ADAM12: variants seen among roughly 807,000 people sequenced by gnomAD.
The protein encoded by ADAM12 is ADAM metallopeptidase domain 12.
ADAM12 carries 70 observed loss-of-function variants against 106.4 expected under a neutral mutation model. The observed-to-expected ratio is 0.66, with a 90% confidence interval of 0.54 to 0.80. The LOEUF (loss-of-function observed/expected upper bound fraction) is 0.80, where lower values mean the gene tolerates loss of function less well. Among genes scored for constraint, ADAM12 ranks in the 30% least tolerant of loss-of-function variants. The pLI is 0.00. For missense variants in ADAM12, 1,010 were observed against 1,171.9 expected, an observed-to-expected ratio of 0.86 and a Z score of 2.02; for synonymous variants, 420 against 433.5, an observed-to-expected ratio of 0.97 and a Z score of 0.39.
chr10:126,285,904 G>C (rs1465001722), intron 2 of ADAM12, among the ~76,000 whole-genome samples: 1 of 151,896 alleles, frequency 6.6e-6, no homozygotes, highest in Non-Finnish European at 1.5e-5. Context: ...GGGCATCCCA[G>C]TGAACTGGCT....
chr10:126,244,314 C>G (rs1044022397), intron 3 of ADAM12, among the ~76,000 whole-genome samples: 2 of 152,134 alleles, frequency 1.3e-5, no homozygotes, highest in African/African-American at 4.8e-5. Context: ...TGCTTGGGTC[C>G]GTGACCACAC....
intron 11 of ADAM12, among the ~76,000 whole-genome samples, chr10:126,093,094 C>A (rs56710697): frequency 0.012 from 1,898 of 152,244 alleles, 43 homozygotes; most frequent in African/African-American, 0.042. Context: ...TTGGGAAACC[C>A]AGAGAGCAGG....
chr10:126,312,271 G>A (rs77298143), intron 2 of ADAM12, among the ~76,000 whole-genome samples: 20 of 152,236 alleles, frequency 1.3e-4, no homozygotes, highest in African/African-American at 2.9e-4. Flanking sequence ...GAGCACCAGC[G>A]GGGGACACAA....
intron 3 of ADAM12, 151 bp from the exon 4 acceptor site, chr10:126,155,456 A>G (rs1430445705): frequency 4.6e-6 from 3 of 654,218 alleles, no homozygotes; most frequent in Admixed American, 3.0e-5. Flanking sequence ...GGGCCTTCCC[A>G]GTTTAGGTTC....
At chr10:126,194,745 G>A (rs74158382) in intron 3 of ADAM12, among the ~76,000 whole-genome samples, 3,031 of 152,298 alleles carry the variant, frequency 0.02, 86 homozygotes, top group East Asian at 0.098. Flanking sequence ...AGGGTAGAAA[G>A]TTGCAACCCT....
At chr10:126,241,482 C>A (rs4962530) in intron 3 of ADAM12, among the ~76,000 whole-genome samples, 54,780 of 152,030 alleles carry the variant, frequency 0.36, 10,961 homozygotes, top group African/African-American at 0.54. Flanking sequence ...CTCAGAAATC[C>A]TGACTTGCGC....
chr10:126,018,835 G>A (rs1953706863), intron 22 of ADAM12, among the ~76,000 whole-genome samples: 1 of 152,164 alleles, frequency 6.6e-6, no homozygotes, highest in Non-Finnish European at 1.5e-5. Flanking sequence ...CCAGTGTCCT[G>A]CTGCCAGGCA....
At chr10:126,091,841 A>G (rs914361445) in intron 11 of ADAM12, among the ~76,000 whole-genome samples, 9 of 152,156 alleles carry the variant, frequency 5.9e-5, no homozygotes, top group South Asian at 2.1e-4. Flanking sequence ...TCATCTGTGC[A>G]TTCCTCCCCA....
rs1247375348 is a variant in ADAM12, at chr10:126,066,832, G to T, written c.1324-26C>A. ...CTGGAAAGGGGAATGGCATTTGTTT[G>T]ACAGGGTCTTATGGAGTATGCACTC... On this transcript the variant is annotated intron_variant, in intron 12 of 22. Transcript: ENST00000448723. This position sits in a 1 kb window ranked among gnomAD's most constrained non-coding sequence, Gnocchi z 5.1. 1.2e-6 allele frequency: 2 copies of T among 1,602,002 alleles called. No individual in the cohort carries two copies. Among genetic ancestry groups the T allele is most frequent in the Non-Finnish European group, 8.6e-7 (1 of 1,169,274 alleles).
At chr10:126,344,398 C>A (rs1159873352) in intron 1 of ADAM12, among the ~76,000 whole-genome samples, 9 of 152,124 alleles carry the variant, frequency 5.9e-5, no homozygotes, top group Admixed American at 3.9e-4. Flanking sequence ...GTTTTGGTAC[C>A]AGTACCATGC....
At chr10:126,222,003 C>G (rs1183058897) in intron 3 of ADAM12, among the ~76,000 whole-genome samples, 1 of 152,180 alleles carries the variant, frequency 6.6e-6, no homozygotes, top group Non-Finnish European at 1.5e-5. Flanking sequence ...GGCTGTCCAT[C>G]AGAAGTCCCC....
At chr10:126,198,022 G>A (rs1029368440) in intron 3 of ADAM12, among the ~76,000 whole-genome samples, 1 of 152,216 alleles carries the variant, frequency 6.6e-6, no homozygotes, top group Non-Finnish European at 1.5e-5. Context: ...AAAGACATGT[G>A]TTCCAAATTA....
chr10:126,082,211 T>A (rs550188028), intron 11 of ADAM12, among the ~76,000 whole-genome samples: 1 of 152,278 alleles, frequency 6.6e-6, no homozygotes, highest in South Asian at 2.1e-4. Flanking sequence ...GAAAGCTTTT[T>A]TCTGGCCCTT....
At chr10:126,054,879 A>G (rs1954594586) in intron 14 of ADAM12, among the ~76,000 whole-genome samples, 1 of 151,950 alleles carries the variant, frequency 6.6e-6, no homozygotes, top group African/African-American at 2.4e-5. Flanking sequence ...GTGTGTGGGG[A>G]GAAGAGAGTT....
intron 5 of ADAM12, among the ~76,000 whole-genome samples, chr10:126,128,970 TGTGA>T (rs144270316): frequency 0.02 from 3,015 of 152,294 alleles, 105 homozygotes; most frequent in African/African-American, 0.069. Context: ...AGCCTGCGCA[TGTGA>T]GTGTGAGGAC....
intron 3 of ADAM12, among the ~76,000 whole-genome samples, chr10:126,256,929 G>A (rs1034681435): frequency 1.3e-5 from 2 of 152,064 alleles, no homozygotes; most frequent in African/African-American, 4.8e-5. Flanking sequence ...TAATGATGAT[G>A]ATGATGATGA....
chr10:126,269,428 T>C (rs1311608064), intron 3 of ADAM12, among the ~76,000 whole-genome samples: 2 of 152,200 alleles, frequency 1.3e-5, no homozygotes, highest in Non-Finnish European at 2.9e-5. Context: ...GAGTTAGTTT[T>C]ATTGTCATAA....
chr10:126,123,698 A>G (rs886298947), intron 5 of ADAM12, among the ~76,000 whole-genome samples: 5 of 152,114 alleles, frequency 3.3e-5, no homozygotes, highest in African/African-American at 9.7e-5. Flanking sequence ...CCCAGGCGGG[A>G]CCTGTGTGCC....
At chr10:126,170,457 C>A (rs534676663) in intron 3 of ADAM12, among the ~76,000 whole-genome samples, 1 of 151,734 alleles carries the variant, frequency 6.6e-6, no homozygotes, top group African/African-American at 2.4e-5. Flanking sequence ...GGGGGGAGTC[C>A]CTGTGTGTGA....
Sources: gnomAD v4.1 joint callset for allele counts (sites outside exome capture counted in the v4.1 genomes callset) on GRCh38, gnomAD v4.1.1 for gene constraint, Gnocchi (gnomAD v3.1) non-coding constraint, MANE v1.5 for transcripts, NCBI Gene and HGNC (gene_info 2026-07-23, HGNC 2026-07-21) for gene names.